The following SGCD variants were observed in gnomAD, a reference collection of about 807,000 sequenced individuals.
SGCD encodes delta-sarcoglycan.
SGCD carries 18 observed loss-of-function variants against 36.6 expected under a neutral mutation model. The observed-to-expected ratio is 0.49, with a 90% CI of 0.34 to 0.73. The LOEUF (loss-of-function observed/expected upper bound fraction) is 0.73, where lower values mean the gene tolerates loss of function less well. Ranked by LOEUF, SGCD falls within the 30% of genes least tolerant of loss-of-function variation. The pLI is 0.01. For synonymous variants in SGCD, 133 were observed against 130.6 expected, an observed-to-expected ratio of 1.02 and a Z score of -0.12; for missense variants, 387 against 346.7, an observed-to-expected ratio of 1.12 and a Z score of -0.92.
chr5:156,107,643 C>G (rs1761679065), intron 1 of SGCD, among the ~76,000 whole-genome samples: 1 of 152,116 alleles, frequency 6.6e-6, no homozygotes. Context: ...TGTTTTCCCA[C>G]AAATCCCCCC....
At chr5:156,733,972 G>A (rs559015824) in intron 7 of SGCD, among the ~76,000 whole-genome samples, 1 of 151,982 alleles carries the variant, frequency 6.6e-6, no homozygotes, top group Non-Finnish European at 1.5e-5. Context: ...CATGATCTTA[G>A]CGGGTTATTT....
the SGCD span, among the ~76,000 whole-genome samples, chr5:155,780,465 A>G: frequency 6.6e-6 from 1 of 152,174 alleles, no homozygotes; most frequent in Admixed American, 6.6e-5. Context: ...TCTATTTGAA[A>G]GGAAAATTCG....
chr5:156,201,193 C>G (rs1317524459), intron 3 of SGCD, among the ~76,000 whole-genome samples: 3 of 152,114 alleles, frequency 2.0e-5, no homozygotes, highest in Non-Finnish European at 4.4e-5. Context: ...TTTAACGCTA[C>G]TGAACTGTGT....
upstream of SGCD, among the ~76,000 whole-genome samples, chr5:155,869,659 TA>T (rs1370764795): frequency 4.5e-5 from 6 of 132,106 alleles, no homozygotes; most frequent in Non-Finnish European, 8.0e-5. Context: ...TTTTTTTTTT[TA>T]AATTTCACCT....
chr5:155,794,245 C>T, the SGCD span, among the ~76,000 whole-genome samples: 8 of 151,966 alleles, frequency 5.3e-5, no homozygotes, highest in African/African-American at 1.7e-4. Context: ...CAAATCTGAC[C>T]AGAGGAAGAT....
chr5:156,609,501 G>T (rs1377705717), intron 6 of SGCD, among the ~76,000 whole-genome samples: 1 of 152,044 alleles, frequency 6.6e-6, no homozygotes, highest in Non-Finnish European at 1.5e-5. Context: ...TTCCACTTTG[G>T]TGAATCTGAC....
At chr5:155,992,800 G>A (rs1758460142) in intron 1 of SGCD, among the ~76,000 whole-genome samples, 1 of 152,136 alleles carries the variant, frequency 6.6e-6, no homozygotes, top group African/African-American at 2.4e-5. Context: ...TTGATGGCTG[G>A]AATCATCTGT....
In SGCD at chr5:156,337,215, G is replaced by A. The variant is rs112013628; in HGVS notation, c.4-7274G>A. Among the ~76,000 whole-genome samples, 167 of 152,268 alleles carry A rather than the reference G, an allele frequency of 1.1e-3. 1 individual carries two copies. Among genetic ancestry groups the A allele is most frequent in the African/African-American group, 3.8e-3 (159 of 41,552 alleles). On this transcript the variant is annotated intron_variant, in intron 2 of 8. Transcript: ENST00000337851. ...GATTCCACAACAAACTCTAGAAACT[G>A]TAATGAGCCTTTGAGGGAACCTATG...
At position 156,344,869 on chromosome 5, in the gene SGCD, G is replaced by A. The variant is rs9313890; in HGVS notation, c.192+192G>A. 0.99 allele frequency among the ~76,000 whole-genome samples: 150,322 copies of A among 152,334 alleles called. 74,175 individuals are homozygous for A. The highest frequency in any genetic ancestry group is 1 in the East Asian group (5,184 of 5,184). On this transcript the variant is annotated intron_variant, in intron 3 of 8. Coordinates refer to ENST00000337851, the MANE Select transcript of SGCD (RefSeq NM_000337.6). ...GACTTCTATCTAATCTCAGTTCTTC[G>A]GGGGCTAATACTCCAACTTAAAGAT...
intron 3 of SGCD, among the ~76,000 whole-genome samples, chr5:156,274,909 C>T (rs773149575): frequency 3.9e-5 from 6 of 152,022 alleles, no homozygotes; most frequent in Non-Finnish European, 5.9e-5. Flanking sequence ...AGCATGAGAG[C>T]GGGTTTCATG....
At chr5:156,423,403 A>T (rs1198571545) in intron 3 of SGCD, among the ~76,000 whole-genome samples, 9 of 118,574 alleles carry the variant, frequency 7.6e-5, no homozygotes, top group African/African-American at 3.0e-4. Context: ...ATATTTTATT[A>T]TAATATAATA....
rs114729396 is a variant in SGCD at position 156,680,590 on chromosome 5, A to C, written c.575+33054A>C. The stretch of plus-strand genomic sequence containing the variant: ...CACTCAACTAATAAGCACATCTTAC[A>C]CACGTTTAGATATTAGAAATGCAGA... On this transcript the variant is annotated intron_variant, in intron 7 of 8. Coordinates refer to ENST00000337851, the MANE Select transcript of SGCD (RefSeq NM_000337.6). Among the ~76,000 whole-genome samples, 1,056 of 152,314 alleles carry C rather than the reference A, an allele frequency of 6.9e-3. 6 individuals carry two copies. Among genetic ancestry groups the C allele is most frequent in the Non-Finnish European group, 0.011 (715 of 68,022 alleles).
intron 1 of SGCD, among the ~76,000 whole-genome samples, chr5:155,964,188 T>C (rs1409891271): frequency 1.3e-5 from 2 of 152,170 alleles, no homozygotes; most frequent in Admixed American, 6.5e-5. Flanking sequence ...TTTTATATCA[T>C]GAAGGTAGGA....
At chr5:156,385,685 G>A (rs1231337662) in intron 3 of SGCD, among the ~76,000 whole-genome samples, 2 of 152,188 alleles carry the variant, frequency 1.3e-5, no homozygotes, top group African/African-American at 2.4e-5. Context: ...AAAGGACTTC[G>A]ACTGATGATT....
At position 156,177,549 on chromosome 5, in the gene SGCD, G is replaced by T. The variant is rs568768390; in HGVS notation, c.-44+53530G>T. Among the ~76,000 whole-genome samples, 16 of 151,964 alleles carry T rather than the reference G, an allele frequency of 1.1e-4. No homozygotes were observed. The South Asian group carries it at 1.7e-3, about 16-fold the overall frequency. The stretch of plus-strand genomic sequence containing the variant: ...GAGGGTCCTGTGCATCTCGGGAGCT[G>T]TTTGTTTGTTTGTTTAATGAGCTAT... On this transcript the variant is annotated intron_variant, in intron 3 of 9. Coordinates refer to the SGCD transcript ENST00000517913.
At chr5:156,467,864 A>G (rs1754783196) in intron 3 of SGCD, among the ~76,000 whole-genome samples, 1 of 152,212 alleles carries the variant, frequency 6.6e-6, no homozygotes, top group Admixed American at 6.5e-5. Context: ...GTTCACATCA[A>G]CTTTGGACTA....
At chr5:156,385,003 C>T (rs565095542) in intron 3 of SGCD, among the ~76,000 whole-genome samples, 1 of 152,242 alleles carries the variant, frequency 6.6e-6, no homozygotes, top group South Asian at 2.1e-4. Context: ...GGCAGAATGT[C>T]TTCTGAGGCA....
At chr5:155,745,293 C>T in the SGCD span, among the ~76,000 whole-genome samples, 1 of 152,068 alleles carries the variant, frequency 6.6e-6, no homozygotes, top group African/African-American at 2.4e-5. Flanking sequence ...AAACATTGTC[C>T]ATATAATATG....
intron 1 of SGCD, among the ~76,000 whole-genome samples, chr5:156,032,030 G>A (rs1332034943): frequency 6.6e-6 from 1 of 152,070 alleles, no homozygotes; most frequent in African/African-American, 2.4e-5. Flanking sequence ...AATTCAGTGA[G>A]AATCGCTGCT....
Sources: gnomAD v4.1 joint callset for allele counts (sites outside exome capture counted in the v4.1 genomes callset) on GRCh38, gnomAD v4.1.1 for gene constraint, MANE v1.5 for transcripts, NCBI Gene and HGNC (gene_info 2026-07-23, HGNC 2026-07-21) for gene names.